Variants in ARHGAP24 observed in about 807,000 individuals in gnomAD.
ARHGAP24 encodes Rho GTPase activating protein 24.
Under a neutral mutation model 76.4 loss-of-function variants are expected in ARHGAP24, and 50 were observed. The ratio of observed to expected loss-of-function variants is 0.65; its 90% CI spans 0.52 to 0.83. The LOEUF (loss-of-function observed/expected upper bound fraction) is 0.83. ARHGAP24 is among the 40% of genes least tolerant of loss of function. The probability of loss-of-function intolerance (pLI) is 0.00; values close to 1 mark genes in which losing one functional copy is unlikely to be tolerated. For synonymous variants in ARHGAP24, 345 were observed against 323.3 expected, an observed-to-expected ratio of 1.07 and a Z score of -0.72; for missense variants, 930 against 914.2, an observed-to-expected ratio of 1.02 and a Z score of -0.22.
intron 3 of ARHGAP24, among the ~76,000 whole-genome samples, chr4:85,861,028 A>T (rs917475220): frequency 3.3e-5 from 5 of 150,038 alleles, no homozygotes; most frequent in Admixed American, 6.7e-5. Context: ...ACACACACAC[A>T]CTCTTTCAAA....
At chr4:85,789,442 A>G (rs1352200461) in intron 3 of ARHGAP24, among the ~76,000 whole-genome samples, 1 of 152,022 alleles carries the variant, frequency 6.6e-6, no homozygotes, top group African/African-American at 2.4e-5. Flanking sequence ...TCTTCTTAAG[A>G]GTGAAATGGC....
intron 1 of ARHGAP24, among the ~76,000 whole-genome samples, chr4:85,528,952 T>A (rs929118489): frequency 2.0e-5 from 3 of 152,018 alleles, no homozygotes; most frequent in African/African-American, 7.2e-5. Flanking sequence ...ATTTCATTGA[T>A]GCTTGTCTAT....
At chr4:85,690,758 G>GTTTTTTTTTTT (rs57175662) in intron 2 of ARHGAP24, among the ~76,000 whole-genome samples, 1 of 130,758 alleles carries the variant, frequency 7.6e-6, no homozygotes, top group Non-Finnish European at 1.7e-5. Flanking sequence ...TGTCAATCTT[G>GTTTTTTTTTTT]TTTTTTTTTT....
Position 86,000,684 on chromosome 4 carries a change from A to G in ARHGAP24, c.2209A>G (p.Arg737Gly). 1.9e-6 allele frequency: 3 copies of G among 1,614,060 alleles called. No individual in the cohort carries two copies. The highest frequency in any genetic ancestry group is 2.5e-6 in the Non-Finnish European group (3 of 1,179,936). The change falls in exon 10 of 10, where the codon AGG (arginine) becomes GGG (glycine). Residue 737 changes from arginine (R) to glycine (G), a missense_variant. Transcript: ENST00000395184. ...GTTTGGAGAACTGACAGTGGAACCC[A>G]GGAGAACCGAGAGAGGAAACACAAT... The part of the protein sequence containing the change: ...STFGELTVEP[R>G]RTERGNTIWI...
intron 3 of ARHGAP24, among the ~76,000 whole-genome samples, chr4:85,846,849 T>C (rs181787513): frequency 5.3e-5 from 8 of 152,354 alleles, no homozygotes; most frequent in Admixed American, 5.2e-4. Context: ...TTTAGACTTA[T>C]TCATTATTTA....
intron 2 of ARHGAP24, among the ~76,000 whole-genome samples, chr4:85,669,582 A>G (rs1281209530): frequency 1.3e-5 from 2 of 149,730 alleles, no homozygotes; most frequent in African/African-American, 4.9e-5. Flanking sequence ...ATATGCTTAC[A>G]TATATATTAA....
intron 3 of ARHGAP24, among the ~76,000 whole-genome samples, chr4:85,896,247 A>C (rs983427476): frequency 3.3e-5 from 5 of 152,192 alleles, no homozygotes; most frequent in Admixed American, 1.3e-4. Context: ...ATTATTTTGC[A>C]ATCTATCCAG....
intron 3 of ARHGAP24, among the ~76,000 whole-genome samples, chr4:85,823,791 A>G (rs1282114724): frequency 2.6e-5 from 4 of 151,894 alleles, no homozygotes; most frequent in Non-Finnish European, 1.5e-5. Flanking sequence ...CAAAGGGATA[A>G]TCTTCAGGTT....
intron 3 of ARHGAP24, among the ~76,000 whole-genome samples, chr4:85,734,907 T>C (rs1725549886): frequency 6.6e-6 from 1 of 152,196 alleles, no homozygotes; most frequent in Non-Finnish European, 1.5e-5. Flanking sequence ...TCGATCATCC[T>C]GTCTCCCACA....
At chr4:85,552,606 C>T (rs1262336446) in intron 1 of ARHGAP24, among the ~76,000 whole-genome samples, 1 of 152,000 alleles carries the variant, frequency 6.6e-6, no homozygotes, top group East Asian at 1.9e-4. Context: ...TGTCTAATAC[C>T]ATCAGTGGGG....
intron 3 of ARHGAP24, among the ~76,000 whole-genome samples, chr4:85,809,383 T>C (rs1281671840): frequency 6.6e-6 from 1 of 152,182 alleles, no homozygotes; most frequent in Non-Finnish European, 1.5e-5. Context: ...ATATTCATAT[T>C]TCAAGGTGTT....
At chr4:85,693,007 C>T (rs1723726577) in intron 2 of ARHGAP24, among the ~76,000 whole-genome samples, 1 of 152,216 alleles carries the variant, frequency 6.6e-6, no homozygotes, top group South Asian at 2.1e-4. Context: ...CAACCCTCTG[C>T]ACAGGGTCTT....
At chr4:85,605,783 G>C (rs1283485341) in intron 2 of ARHGAP24, among the ~76,000 whole-genome samples, 1 of 152,132 alleles carries the variant, frequency 6.6e-6, no homozygotes, top group Non-Finnish European at 1.5e-5. Flanking sequence ...GTTTTCTTCT[G>C]TGTGTTTTTC....
chr4:85,475,473 TC>T lies in ARHGAP24; in HGVS notation c.-106del, dbSNP rs1462045640. 1 of 152,604 alleles carries T rather than the reference TC, an allele frequency of 6.6e-6. No homozygotes were observed. The highest frequency in any genetic ancestry group is 1.5e-5 in the Non-Finnish European group (1 of 68,130). 9.5% of individuals were successfully genotyped at this position (152,604 alleles called of 1,614,324 possible). On this transcript the variant is annotated 5_prime_UTR_variant, in exon 1 of 10. Coordinates refer to ENST00000395184, the MANE Select transcript of ARHGAP24 (RefSeq NM_001025616.3). ...AAGGAGCCTCACTACCACCTTTTTT[TC>T]TTTGCGTTTTCTTACTGCTGGTCCT...
intron 2 of ARHGAP24, among the ~76,000 whole-genome samples, chr4:85,606,191 G>C (rs541659592): frequency 6.6e-6 from 1 of 152,244 alleles, no homozygotes; most frequent in East Asian, 1.9e-4. Flanking sequence ...GACCTCAAAG[G>C]GGCATTTAGG....
intron 3 of ARHGAP24, among the ~76,000 whole-genome samples, chr4:85,726,311 T>C (rs748536218): frequency 2.0e-5 from 3 of 152,074 alleles, no homozygotes; most frequent in Non-Finnish European, 2.9e-5. Flanking sequence ...TCTATAATCT[T>C]AGATTGGATT....
At chr4:85,782,753 A>C (rs1727624125) in intron 3 of ARHGAP24, among the ~76,000 whole-genome samples, 1 of 152,176 alleles carries the variant, frequency 6.6e-6, no homozygotes, top group Admixed American at 6.5e-5. Context: ...AAACTGACTC[A>C]AGTATGTTCC....
chr4:85,518,837 G>A (rs920487192), intron 1 of ARHGAP24, among the ~76,000 whole-genome samples: 9 of 152,174 alleles, frequency 5.9e-5, no homozygotes, highest in Non-Finnish European at 1.3e-4. Context: ...GTGTGTGCAA[G>A]TAAGTTTTTC....
intron 3 of ARHGAP24, among the ~76,000 whole-genome samples, chr4:85,868,353 A>G (rs899207483): frequency 2.0e-5 from 3 of 152,104 alleles, no homozygotes; most frequent in East Asian, 1.9e-4. Context: ...CATGTTTTCT[A>G]TTCAGACCTT....
Sources: gnomAD v4.1 joint callset for allele counts (sites outside exome capture counted in the v4.1 genomes callset) on GRCh38, gnomAD v4.1.1 for gene constraint, MANE v1.5 for transcripts, NCBI Gene and HGNC (gene_info 2026-07-23, HGNC 2026-07-21) for gene names.